DDX43: variants seen among roughly 807,000 people sequenced by gnomAD.
The protein encoded by DDX43 is probable ATP-dependent RNA helicase DDX43.
In DDX43, 50 loss-of-function variants were observed where a neutral mutation model predicts 84.9. That is an observed-to-expected ratio of 0.59 (90% CI 0.47 to 0.75). DDX43 has a LOEUF of 0.75. Among genes scored for constraint, DDX43 ranks in the 30% least tolerant of loss-of-function variants. The pLI, the probability that DDX43 is intolerant of heterozygous loss-of-function variation, is 0.00. For synonymous variants in DDX43, 291 were observed against 266.3 expected, an observed-to-expected ratio of 1.09 and a Z score of -0.90; for missense variants, 689 against 798.6, an observed-to-expected ratio of 0.86 and a Z score of 1.65.
intron 9 of DDX43, 65 bp from the exon 10 acceptor site, chr6:73,409,183 A>C (rs930694668): frequency 1.3e-5 from 15 of 1,177,554 alleles, no homozygotes; most frequent in African/African-American, 3.0e-5. Context: ...ACTAATAAAG[A>C]AAGCATATGT....
chr6:73,401,871 A>G lies in DDX43; in HGVS notation c.449A>G (p.Gln150Arg), dbSNP rs754479219. Reference protein sequence around the residue: ...NSECGIDTAFQPSVGKDGSTD... With the variant: ...NSECGIDTAFRPSVGKDGSTD... ...ATGTTTTTAACAGATACTGCATTCC[A>G]ACCTTCTGTTGGAAAAGATGGAAGC... Residue 150 changes from glutamine to arginine, a missense_variant, in exon 4 of 17, where the codon CAA becomes CGA. By Grantham distance (43) the Gln-to-Arg change is conservative. Coordinates refer to ENST00000370336, the MANE Select transcript of DDX43 (RefSeq NM_018665.3). 1.9e-6 allele frequency: 3 copies of G among 1,613,724 alleles called. No homozygotes were observed. The highest frequency in any genetic ancestry group is 2.5e-6 in the Non-Finnish European group (3 of 1,179,884).
At chr6:73,405,080 A>G (rs1297931097) in intron 5 of DDX43, among the ~76,000 whole-genome samples, 3 of 152,086 alleles carry the variant, frequency 2.0e-5, no homozygotes, top group African/African-American at 7.2e-5. Flanking sequence ...TTGGACAGCA[A>G]TTTTAGAGAA....
Position 73,408,003 on chromosome 6 carries a change from GAGC to G in DDX43, c.1082_1084del (p.Glu361_Leu362delinsVal). On this transcript the variant is annotated inframe_deletion, in exon 9 of 17. Transcript: ENST00000370336. Reference sequence around the variant, plus strand: ...TGGAAATAGAGATGAACAAATAGAAGAGCTTAAAAAAGGTGTAGATATCATAAT... The same window carrying G: ...TGGAAATAGAGATGAACAAATAGAAGTTAAAAAAGGTGTAGATATCATAAT... 2 of 1,613,616 alleles carry G rather than the reference GAGC, an allele frequency of 1.2e-6. No homozygotes were observed. The highest frequency in any genetic ancestry group is 1.7e-6 in the Non-Finnish European group (2 of 1,179,636).
At chr6:73,404,106 C>T (rs1045772547) in intron 4 of DDX43, among the ~76,000 whole-genome samples, 97 of 150,700 alleles carry the variant, frequency 6.4e-4, no homozygotes, top group African/African-American at 2.1e-3. Context: ...AGGCGTGAGC[C>T]GCCGCCGCCG....
intron 2 of DDX43, 25 bp from the exon 3 acceptor site, chr6:73,400,209 C>G: frequency 6.4e-7 from 1 of 1,551,096 alleles, no homozygotes; most frequent in Non-Finnish European, 8.7e-7. Context: ...TTTTAAGTCT[C>G]ACCTCTTTTT....
chr6:73,412,676 C>T (rs558418481), intron 11 of DDX43, among the ~76,000 whole-genome samples: 4,352 of 62,192 alleles, frequency 0.07, 296 homozygotes, highest in East Asian at 0.27. Flanking sequence ...TGTGCGCGCG[C>T]GCGTGTGTGT....
At chr6:73,400,614 A>G (rs1769549000) in intron 3 of DDX43, among the ~76,000 whole-genome samples, 1 of 152,116 alleles carries the variant, frequency 6.6e-6, no homozygotes, top group Non-Finnish European at 1.5e-5. Flanking sequence ...CTTTATTTTT[A>G]TTTATTTATT....
chr6:73,394,838 T>C lies in DDX43; in HGVS notation c.-68T>C. The C allele has an allele frequency of 1.3e-6, 2 of 1,576,206 alleles. No individual in the cohort carries two copies. The highest frequency in any genetic ancestry group is 1.7e-6 in the Non-Finnish European group (2 of 1,161,568). On this transcript the variant is annotated 5_prime_UTR_variant, in exon 1 of 17. Coordinates refer to ENST00000370336, the MANE Select transcript of DDX43 (RefSeq NM_018665.3). The stretch of plus-strand genomic sequence containing the variant: ...CGTGGCTTCCCTGGCACGCTACTCT[T>C]ACGACGTCACGGTCAGGTGGTGCAG...
chr6:73,411,062 G>T (rs955619125), intron 10 of DDX43, among the ~76,000 whole-genome samples: 2 of 150,182 alleles, frequency 1.3e-5, no homozygotes, highest in African/African-American at 4.9e-5. Flanking sequence ...TATAGTCCCA[G>T]CTACTCGGGA....
intron 3 of DDX43, 103 bp from the exon 4 acceptor site, chr6:73,401,756 C>T (rs1329583820): frequency 2.3e-5 from 25 of 1,091,922 alleles, no homozygotes; most frequent in Non-Finnish European, 2.6e-5. Context: ...GAGCCGAGAT[C>T]GCGCCACTGC....
rs149428853 is a variant in DDX43, at chr6:73,412,236, G to T, written c.1312G>T (p.Ala438Ser). Residue 438 changes from alanine to serine, a missense_variant, in exon 11 of 17, where the codon GCA becomes TCA. By Grantham distance (99) the Ala-to-Ser change is moderately conservative. Coordinates refer to ENST00000370336, the MANE Select transcript of DDX43 (RefSeq NM_018665.3). ...ATWPHSVHRLAQSYLKEPMIV... is the reference protein window; with the variant it reads ...ATWPHSVHRLSQSYLKEPMIV... ...ATGGCCTCATTCAGTTCATCGCCTCGCACAATCTTATTTGAAAGAACCAAT... is the reference window on the plus strand; with the variant it reads ...ATGGCCTCATTCAGTTCATCGCCTCTCACAATCTTATTTGAAAGAACCAAT... 2.5e-6 allele frequency: 4 copies of T among 1,613,434 alleles called. No homozygotes were observed. Among genetic ancestry groups the T allele is most frequent in the Non-Finnish European group, 3.4e-6 (4 of 1,179,838 alleles).
chr6:73,412,682 T>C (rs868130691), intron 11 of DDX43, among the ~76,000 whole-genome samples: 1,304 of 109,724 alleles, frequency 0.012, 36 homozygotes, highest in Middle Eastern at 0.022. Context: ...CGCGCGCGTG[T>C]GTGTGTGTGC....
chr6:73,412,556 G>A (rs1189919381), intron 11 of DDX43, among the ~76,000 whole-genome samples: 2 of 151,000 alleles, frequency 1.3e-5, no homozygotes, highest in Admixed American at 6.6e-5. Flanking sequence ...GAGTCTCACT[G>A]TATTGCCCAG....
In DDX43 at chr6:73,412,638, A is replaced by ATAGTGTGTGTGTGT. The variant is rs376258603; in HGVS notation, c.1368+346_1368+347insTAGTGTGTGTGTGT. Among the ~76,000 whole-genome samples the ATAGTGTGTGTGTGT allele has an allele frequency of 4.0e-3, 241 of 59,674 alleles. 2 individuals carry two copies. Among genetic ancestry groups the ATAGTGTGTGTGTGT allele is most frequent in the South Asian group, 7.4e-3 (12 of 1,622 alleles). 39.1% of individuals were successfully genotyped at this position (59,674 alleles called of 152,430 possible). On this transcript the variant is annotated intron_variant, in intron 11 of 16. Transcript: ENST00000370336. ...CTGGGTTCAAGTGATATATATATAT[A>ATAGTGTGTGTGTGT]GTGTGTGTGTGTGTGTGTGTGTGTG... is the stretch of plus-strand genomic sequence containing the variant.
In DDX43 at chr6:73,395,171, G is replaced by A. The variant is rs536448279; in HGVS notation, c.250+16G>A. 72 of 1,594,888 alleles carry A rather than the reference G, an allele frequency of 4.5e-5. 1 individual carries two copies. The East Asian group carries it at 9.4e-4, about 21-fold the overall frequency. The stretch of plus-strand genomic sequence containing the variant: ...GCGGTAATCGGTGAGAATGGGAGTG[G>A]CTGGCAGGGCAGGATAGGTGGGGCC... On this transcript the variant is annotated intron_variant, in intron 1 of 16. Transcript: ENST00000370336.
In DDX43 at chr6:73,412,202, C is replaced by T; in HGVS notation, c.1281-3C>T. The T allele has an allele frequency of 6.2e-7, 1 of 1,606,572 alleles. No homozygotes were observed. The highest frequency in any genetic ancestry group is 8.5e-7 in the Non-Finnish European group (1 of 1,176,860). ...TTGTAATGTTTGTAACTTGTATTCC[C>T]AGTGCTACATGGCCTCATTCAGTTC... On this transcript the variant is annotated splice_polypyrimidine_tract_variant and splice_region_variant and intron_variant, in intron 10 of 16. Transcript: ENST00000370336.
chr6:73,395,072 G>A lies in DDX43; in HGVS notation c.167G>A (p.Arg56Lys), dbSNP rs758121003. The A allele has an allele frequency of 3.7e-6, 6 of 1,614,060 alleles. No individual in the cohort carries two copies. In the African/African-American group the frequency reaches 5.3e-5, roughly 14 times the overall value. Reference sequence around the variant, plus strand: ...GGTGGTCGCTGGAGAGGCACCTCTAGGCCCCCGGAGGCCGTGGCCGCTGGT... The same window carrying A: ...GGTGGTCGCTGGAGAGGCACCTCTAAGCCCCCGGAGGCCGTGGCCGCTGGT... Reference protein sequence around the residue: ...GRGGRWRGTSRPPEAVAAGHE... With the variant: ...GRGGRWRGTSKPPEAVAAGHE... Residue 56 changes from arginine to lysine, a missense_variant, in exon 1 of 17, where the codon AGG becomes AAG. Transcript: ENST00000370336.
intron 4 of DDX43, among the ~76,000 whole-genome samples, chr6:73,402,503 C>T (rs542698206): frequency 1.1e-4 from 17 of 152,314 alleles, no homozygotes; most frequent in Middle Eastern, 3.4e-3. Flanking sequence ...GAACTCCTGG[C>T]TTCAAGTGAT....
intron 2 of DDX43, 105 bp downstream of exon 2, chr6:73,397,849 C>A: frequency 2.9e-6 from 3 of 1,041,828 alleles, no homozygotes; most frequent in Admixed American, 1.8e-5. Flanking sequence ...GTCTCCCAGG[C>A]TGGAGTGCAG....
Sources: allele counts gnomAD v4.1 joint callset (sites outside exome capture counted in the v4.1 genomes callset), GRCh38; gene constraint gnomAD v4.1.1; transcripts MANE v1.5; gene names NCBI Gene and HGNC (gene_info 2026-07-23, HGNC 2026-07-21).